FRMD4A: variants seen among roughly 807,000 people sequenced by gnomAD.
FRMD4A encodes FERM domain-containing protein 4A.
Under a neutral mutation model 129.1 loss-of-function variants are expected in FRMD4A, and 29 were observed. That is an observed-to-expected ratio of 0.22 (90% CI 0.17 to 0.31). The LOEUF is 0.31. Ranked by LOEUF, FRMD4A falls within the 10% of genes least tolerant of loss-of-function variation. The probability of loss-of-function intolerance (pLI) is 1.00; values close to 1 mark genes in which losing one functional copy is unlikely to be tolerated. For missense variants in FRMD4A, 1,272 were observed against 1,375.8 expected, an observed-to-expected ratio of 0.92 and a Z score of 1.19; for synonymous variants, 634 against 571.6, an observed-to-expected ratio of 1.11 and a Z score of -1.56.
chr10:13,897,512 A>G (rs751910607), intron 2 of FRMD4A, among the ~76,000 whole-genome samples: 1 of 152,224 alleles, frequency 6.6e-6, no homozygotes, highest in African/African-American at 2.4e-5. Context: ...ACATCTGTAC[A>G]TGATGGGCAG....
intron 22 of FRMD4A, among the ~76,000 whole-genome samples, chr10:13,656,301 G>A (rs2082135152): frequency 6.6e-6 from 1 of 152,176 alleles, no homozygotes; most frequent in African/African-American, 2.4e-5. Context: ...GACACCTTTG[G>A]TTGGATAAAC....
At position 13,656,879 on chromosome 10, in the gene FRMD4A, G is replaced by A. The variant is rs1278491512; in HGVS notation, c.2710C>T (p.Leu904=). The change falls in exon 22 of 25, where the codon CTG becomes TTG. Residue 904 remains leucine, a synonymous_variant. Transcript: ENST00000357447. ...TCGCGGCCCAGCGACGGAGTCCGCA[G>A]GATCTGCGATCGCGACGGCGTCAGG... ...GRLTPSRSQI[L]RTPSLGREGA... is the part of the protein sequence containing the mutation. 7 of 1,487,756 alleles carry A rather than the reference G, an allele frequency of 4.7e-6. No individual in the cohort carries two copies. Among genetic ancestry groups the A allele is most frequent in the South Asian group, 1.3e-5 (1 of 76,748 alleles). The allele number at this position is 1,487,756 out of a possible 1,614,324, so 92.2% of individuals were successfully genotyped here. A position where few individuals can be genotyped will look rare whatever the true frequency, so the allele number is the denominator to read the frequency against.
intron 2 of FRMD4A, among the ~76,000 whole-genome samples, chr10:14,066,821 C>A (rs1467971870): frequency 2.0e-5 from 3 of 152,092 alleles, no homozygotes; most frequent in Non-Finnish European, 2.9e-5. Flanking sequence ...GGAAAATGAT[C>A]GTTATTGTTA....
intron 3 of FRMD4A, among the ~76,000 whole-genome samples, chr10:13,840,483 G>A (rs2093945173): frequency 6.6e-6 from 1 of 152,164 alleles, no homozygotes; most frequent in Non-Finnish European, 1.5e-5. Flanking sequence ...GCCTAATATG[G>A]TGACAGTTAA....
intron 2 of FRMD4A, among the ~76,000 whole-genome samples, chr10:14,253,843 T>C (rs1307299119): frequency 6.6e-6 from 1 of 152,214 alleles, no homozygotes; most frequent in Non-Finnish European, 1.5e-5. Flanking sequence ...ACAGCAAGAA[T>C]CTTGCTTGGC....
chr10:13,695,743 A>G (rs1364620335), intron 14 of FRMD4A, among the ~76,000 whole-genome samples: 2 of 152,170 alleles, frequency 1.3e-5, no homozygotes, highest in African/African-American at 4.8e-5. Flanking sequence ...GGTCTTTCCC[A>G]CACAGGAGAA....
intron 2 of FRMD4A, among the ~76,000 whole-genome samples, chr10:14,140,345 G>A (rs942726059): frequency 6.6e-6 from 1 of 152,190 alleles, no homozygotes; most frequent in Admixed American, 6.5e-5. Flanking sequence ...TCACAGATGT[G>A]AGCCACCCCC....
intron 2 of FRMD4A, among the ~76,000 whole-genome samples, chr10:14,107,636 C>A (rs114233576): frequency 2.0e-4 from 31 of 152,170 alleles, no homozygotes; most frequent in African/African-American, 7.0e-4. Flanking sequence ...GTGAACTTTG[C>A]TGTATTTTAA....
intron 2 of FRMD4A, among the ~76,000 whole-genome samples, chr10:13,938,612 C>A (rs1313035090): frequency 1.3e-5 from 2 of 152,160 alleles, no homozygotes; most frequent in Non-Finnish European, 2.9e-5. Flanking sequence ...TATACTATTA[C>A]ATTTTTATCC....
chr10:14,051,865 T>G (rs942458838), intron 2 of FRMD4A, among the ~76,000 whole-genome samples: 1 of 152,200 alleles, frequency 6.6e-6, no homozygotes, highest in Non-Finnish European at 1.5e-5. Flanking sequence ...GGCATTGCAT[T>G]TGCATGGCAT....
At chr10:14,286,527 G>C (rs773441522) in intron 2 of FRMD4A, among the ~76,000 whole-genome samples, 1 of 152,120 alleles carries the variant, frequency 6.6e-6, no homozygotes, top group Non-Finnish European at 1.5e-5. Context: ...GATAGAAAAA[G>C]AGCTACAAGA....
chr10:13,814,138 A>G (rs555893601), intron 3 of FRMD4A, among the ~76,000 whole-genome samples: 2 of 152,172 alleles, frequency 1.3e-5, no homozygotes, highest in Non-Finnish European at 2.9e-5. Flanking sequence ...TCTAGTGAAC[A>G]GAGATAGAGG....
intron 2 of FRMD4A, among the ~76,000 whole-genome samples, chr10:14,175,192 A>T (rs989212054): frequency 7.2e-5 from 11 of 152,094 alleles, no homozygotes; most frequent in Non-Finnish European, 1.5e-4. Context: ...AGGGGCCAGG[A>T]CCCCTTTTGC....
intron 2 of FRMD4A, among the ~76,000 whole-genome samples, chr10:14,025,391 C>T (rs1303102230): frequency 6.6e-6 from 1 of 151,784 alleles, no homozygotes; most frequent in East Asian, 1.9e-4. Flanking sequence ...GTGTACTGTT[C>T]CGTAGTGTTA....
chr10:14,104,537 T>C (rs1439385612), intron 2 of FRMD4A, among the ~76,000 whole-genome samples: 1 of 152,250 alleles, frequency 6.6e-6, no homozygotes, highest in Non-Finnish European at 1.5e-5. Context: ...TATCTATGCC[T>C]TCCTGTCCCT....
chr10:13,685,596 C>T (rs2084996274), intron 15 of FRMD4A: 4 of 984,594 alleles, frequency 4.1e-6, no homozygotes, highest in Non-Finnish European at 4.8e-6. Context: ...CAAAGGAGCA[C>T]TGCAACAGAG....
chr10:14,047,389 A>C (rs575961031), intron 2 of FRMD4A, among the ~76,000 whole-genome samples: 2 of 152,278 alleles, frequency 1.3e-5, no homozygotes, highest in South Asian at 4.2e-4. Flanking sequence ...AGGAAGGTGC[A>C]AGAAAGGTCC....
At chr10:13,678,785 T>A (rs1048432200) in intron 15 of FRMD4A, among the ~76,000 whole-genome samples, 15 of 152,160 alleles carry the variant, frequency 9.9e-5, no homozygotes, top group East Asian at 3.8e-4. Flanking sequence ...TTTAAAAAAA[T>A]TTTTTTAATT....
At chr10:13,964,456 G>A (rs1203760419) in intron 2 of FRMD4A, among the ~76,000 whole-genome samples, 3 of 150,066 alleles carry the variant, frequency 2.0e-5, no homozygotes, top group African/African-American at 4.9e-5. Context: ...GCCAGGAGTG[G>A]CGTGGAGCTG....
Sources: allele counts gnomAD v4.1 joint callset (sites outside exome capture counted in the v4.1 genomes callset), GRCh38; gene constraint gnomAD v4.1.1; transcripts MANE v1.5; gene names NCBI Gene and HGNC (gene_info 2026-07-23, HGNC 2026-07-21).